RBFOX1: variants seen among roughly 807,000 people sequenced by gnomAD.
RBFOX1 encodes RNA binding fox-1 homolog 1.
Under a neutral mutation model 57.7 loss-of-function variants are expected in RBFOX1, and 8 were observed. That is an observed-to-expected ratio of 0.14 (90% CI 0.08 to 0.25). The LOEUF is 0.25. Ranked by LOEUF, RBFOX1 falls within the 10% of genes least tolerant of loss-of-function variation. The pLI, the probability that RBFOX1 is intolerant of heterozygous loss-of-function variation, is 1.00. For synonymous variants in RBFOX1, 326 were observed against 222.4 expected, an observed-to-expected ratio of 1.47 and a Z score of -4.15; for missense variants, 611 against 548.5, an observed-to-expected ratio of 1.11 and a Z score of -1.14.
intron 3 of RBFOX1, among the ~76,000 whole-genome samples, chr16:6,821,032 C>G (rs996486957): frequency 5.9e-5 from 9 of 152,108 alleles, no homozygotes; most frequent in African/African-American, 2.2e-4. Context: ...AATTCTTAAC[C>G]CTACAAAACA....
intron 4 of RBFOX1, among the ~76,000 whole-genome samples, chr16:7,224,127 TAAAAA>T (rs1168449932): frequency 7.7e-5 from 4 of 52,264 alleles, no homozygotes; most frequent in African/African-American, 2.3e-4. Context: ...TTCCTTTTTC[TAAAAA>T]AAAAAAAAAA....
At position 6,647,414 on chromosome 16, in the gene RBFOX1, T is replaced by A. The variant is rs1026942461; in HGVS notation, c.-63-7189T>A. On this transcript the variant is annotated intron_variant, in intron 2 of 15. Coordinates refer to ENST00000550418, the MANE Select transcript of RBFOX1 (RefSeq NM_018723.4). ...TGCCCACCACCATGCCTGGCTAATT[T>A]TTCTATTATATTGAAATCCAATGGG... Among the ~76,000 whole-genome samples the A allele has an allele frequency of 2.0e-5, 3 of 152,050 alleles. No individual in the cohort carries two copies. In the East Asian group the frequency reaches 5.8e-4, roughly 29 times the overall value.
At chr16:5,597,104 T>A (rs190962215) in intron 2 of RBFOX1, among the ~76,000 whole-genome samples, 238 of 152,256 alleles carry the variant, frequency 1.6e-3, no homozygotes, top group African/African-American at 5.6e-3. Flanking sequence ...ACTCTGTGGG[T>A]GGGTCTGAGT....
intron 2 of RBFOX1, among the ~76,000 whole-genome samples, chr16:6,322,633 C>A (rs903790760): frequency 6.6e-6 from 1 of 152,156 alleles, no homozygotes; most frequent in African/African-American, 2.4e-5. Flanking sequence ...TTCAGTGGAA[C>A]AGGCAGGAGT....
chr16:7,539,987 T>A (rs749781783), intron 5 of RBFOX1, among the ~76,000 whole-genome samples: 1 of 152,210 alleles, frequency 6.6e-6, no homozygotes, highest in South Asian at 2.1e-4. Flanking sequence ...GGGAAAGCTA[T>A]TGAACCTCAC....
chr16:6,841,643 C>T (rs371622127), intron 3 of RBFOX1, among the ~76,000 whole-genome samples: 18 of 152,138 alleles, frequency 1.2e-4, no homozygotes, highest in East Asian at 5.8e-4. Context: ...TGGTTCCTGC[C>T]GGCTCTTGAG....
At chr16:6,483,024 G>C (rs1223923342) in intron 2 of RBFOX1, among the ~76,000 whole-genome samples, 1 of 152,236 alleles carries the variant, frequency 6.6e-6, no homozygotes, top group Admixed American at 6.5e-5. Flanking sequence ...GGACACGTGC[G>C]GGCGAGAGAG....
intron 1 of RBFOX1, among the ~76,000 whole-genome samples, chr16:5,301,425 C>A (rs921006922): frequency 6.6e-6 from 1 of 152,046 alleles, no homozygotes; most frequent in Non-Finnish European, 1.5e-5. Context: ...TGAGACCATC[C>A]TGGCTAACAC....
chr16:5,831,617 G>C (rs890841007), intron 3 of RBFOX1, among the ~76,000 whole-genome samples: 4 of 151,912 alleles, frequency 2.6e-5, no homozygotes, highest in African/African-American at 9.7e-5. Flanking sequence ...AGTCTCCTGA[G>C]TAGCTGGGGT....
At chr16:6,876,538 G>C (rs1053917669) in intron 3 of RBFOX1, among the ~76,000 whole-genome samples, 2 of 152,108 alleles carry the variant, frequency 1.3e-5, no homozygotes, top group African/African-American at 2.4e-5. Context: ...ATATTTGTTT[G>C]CAAAAAATTA....
intron 3 of RBFOX1, among the ~76,000 whole-genome samples, chr16:5,855,116 T>G (rs2056992479): frequency 6.6e-6 from 1 of 152,232 alleles, no homozygotes; most frequent in Non-Finnish European, 1.5e-5. Flanking sequence ...CTCATATATT[T>G]TGAATATTAT....
At position 6,749,690 on chromosome 16, in the gene RBFOX1, A is replaced by G. The variant is rs148688948; in HGVS notation, c.-16+95040A>G. Among the ~76,000 whole-genome samples the G allele has an allele frequency of 2.5e-3, 375 of 152,324 alleles. 4 individuals are homozygous for G. Among genetic ancestry groups the G allele is most frequent in the African/African-American group, 8.8e-3 (366 of 41,562 alleles). On this transcript the variant is annotated intron_variant, in intron 3 of 15. Coordinates refer to ENST00000550418, the MANE Select transcript of RBFOX1 (RefSeq NM_018723.4). ...GGTAACAAATCTTAGTGACCTCAGT[A>G]AATAATAAGCCCAAAGAATTGCAGT... is the stretch of plus-strand genomic sequence containing the variant.
chr16:6,243,950 A>G (rs1057137141), intron 1 of RBFOX1, among the ~76,000 whole-genome samples: 1 of 152,200 alleles, frequency 6.6e-6, no homozygotes, highest in African/African-American at 2.4e-5. Context: ...GTTTAGTTGT[A>G]TAAGCCAGTA....
At chr16:7,256,182 G>C (rs2094673969) in intron 4 of RBFOX1, among the ~76,000 whole-genome samples, 1 of 152,202 alleles carries the variant, frequency 6.6e-6, no homozygotes, top group African/African-American at 2.4e-5. Flanking sequence ...GTCGAGGCGA[G>C]AAGCTGGAGA....
intron 1 of RBFOX1, among the ~76,000 whole-genome samples, chr16:6,047,008 C>T (rs922082290): frequency 7.2e-5 from 11 of 152,142 alleles, no homozygotes; most frequent in African/African-American, 2.7e-4. Context: ...CCAAGCCAGG[C>T]AAGGTTGCTG....
At chr16:5,600,083 A>G (rs2047314668) in exon 3 of RBFOX1, 2 of 150,910 alleles carry the variant, frequency 1.3e-5, no homozygotes, top group East Asian at 3.9e-4. Context: ...AGGTCAGGAG[A>G]TCGAGGCCAT....
At chr16:7,111,686 C>T (rs1243036978) in intron 4 of RBFOX1, among the ~76,000 whole-genome samples, 2 of 151,798 alleles carry the variant, frequency 1.3e-5, no homozygotes, top group Admixed American at 6.6e-5. Context: ...TATAAAACTA[C>T]TTCTGGGGAA....
chr16:7,514,044 A>G (rs1179684514), intron 4 of RBFOX1, among the ~76,000 whole-genome samples: 1 of 152,012 alleles, frequency 6.6e-6, no homozygotes, highest in Non-Finnish European at 1.5e-5. Context: ...TTATGCAATA[A>G]TGGCTTCTTA....
intron 3 of RBFOX1, among the ~76,000 whole-genome samples, chr16:5,738,892 A>G (rs368920457): frequency 2.6e-5 from 4 of 152,268 alleles, no homozygotes; most frequent in South Asian, 4.1e-4. Context: ...CATTGATGCA[A>G]ACAACCAGGG....
Sources: allele counts gnomAD v4.1 joint callset (sites outside exome capture counted in the v4.1 genomes callset), GRCh38; gene constraint gnomAD v4.1.1; transcripts MANE v1.5; gene names NCBI Gene and HGNC (gene_info 2026-07-23, HGNC 2026-07-21).